The following GLIS3 variants were observed in gnomAD, a reference collection of about 807,000 sequenced individuals.
The protein encoded by GLIS3 is zinc finger protein GLIS3.
A neutral mutation model predicts 78.6 loss-of-function variants in GLIS3; 53 were observed. That is an observed-to-expected ratio of 0.67 (90% CI 0.54 to 0.85). The LOEUF is 0.85. Ranked by LOEUF, GLIS3 falls within the 40% of genes least tolerant of loss-of-function variation. GLIS3 has a pLI of 0.00. For missense variants in GLIS3, 1,703 were observed against 1,231.1 expected, an observed-to-expected ratio of 1.38 and a Z score of -5.74; for synonymous variants, 684 against 509.9, an observed-to-expected ratio of 1.34 and a Z score of -4.60.
chr9:4,017,587 T>C (rs1351536096), intron 4 of GLIS3, among the ~76,000 whole-genome samples: 1 of 152,120 alleles, frequency 6.6e-6, no homozygotes, highest in Non-Finnish European at 1.5e-5. Context: ...AGAGTAGAGA[T>C]GATCAGAGAG....
chr9:4,165,022 T>G (rs1193683489), intron 2 of GLIS3, among the ~76,000 whole-genome samples: 4 of 152,172 alleles, frequency 2.6e-5, no homozygotes, highest in Admixed American at 2.6e-4. Flanking sequence ...TACTGGGACT[T>G]GTGGAAACCC....
the GLIS3 span, among the ~76,000 whole-genome samples, chr9:4,396,457 C>G: frequency 6.6e-6 from 1 of 152,174 alleles, no homozygotes; most frequent in African/African-American, 2.4e-5. Context: ...CAGATACAAA[C>G]ATTTCATCAT....
At chr9:4,297,298 T>C (rs879067282) in intron 1 of GLIS3, among the ~76,000 whole-genome samples, 9 of 152,218 alleles carry the variant, frequency 5.9e-5, no homozygotes, top group Non-Finnish European at 8.8e-5. Context: ...AAATGCTCTC[T>C]TAACCGGGAC....
intron 2 of GLIS3, among the ~76,000 whole-genome samples, chr9:4,342,899 G>A (rs563449285): frequency 6.6e-6 from 1 of 152,236 alleles, no homozygotes; most frequent in Admixed American, 6.5e-5. Flanking sequence ...CTCAGCTTGG[G>A]CATTTTTGAT....
intron 2 of GLIS3, among the ~76,000 whole-genome samples, chr9:4,274,705 G>C (rs1237611855): frequency 6.6e-6 from 1 of 152,164 alleles, no homozygotes; most frequent in Non-Finnish European, 1.5e-5. Context: ...TAAACCCTAA[G>C]CACAGGGCAC....
At chr9:3,930,336 T>G (rs1269062269) in intron 6 of GLIS3, among the ~76,000 whole-genome samples, 1 of 152,194 alleles carries the variant, frequency 6.6e-6, no homozygotes, top group Non-Finnish European at 1.5e-5. Context: ...AAGACAAAAT[T>G]AAGAGAACAC....
intron 2 of GLIS3, among the ~76,000 whole-genome samples, chr9:4,216,221 C>A (rs1177698799): frequency 1.3e-5 from 2 of 151,724 alleles, no homozygotes. Flanking sequence ...ACCTGTAATC[C>A]CAGCACTTTG....
the GLIS3 span, among the ~76,000 whole-genome samples, chr9:4,467,984 T>C: frequency 6.6e-6 from 1 of 152,134 alleles, no homozygotes; most frequent in Non-Finnish European, 1.5e-5. Context: ...GAGAACTACG[T>C]GACACAGGCA....
chr9:4,128,928 A>G (rs1346220155), intron 2 of GLIS3, among the ~76,000 whole-genome samples: 1 of 152,248 alleles, frequency 6.6e-6, no homozygotes, highest in East Asian at 1.9e-4. Context: ...AGAAGCGATC[A>G]CTGGTCAACT....
At chr9:3,915,283 C>CA (rs755716940) in intron 6 of GLIS3, among the ~76,000 whole-genome samples, 116 of 152,114 alleles carry the variant, frequency 7.6e-4, no homozygotes, top group Middle Eastern at 6.8e-3. Flanking sequence ...AATCCCCTCT[C>CA]AAAAAAACAA....
chr9:4,297,993 G>C (rs1002237346), intron 1 of GLIS3, among the ~76,000 whole-genome samples: 1 of 152,162 alleles, frequency 6.6e-6, no homozygotes, highest in Non-Finnish European at 1.5e-5. Context: ...GCGCGGCTGC[G>C]ACCCCGTCAC....
intron 4 of GLIS3, among the ~76,000 whole-genome samples, chr9:4,032,251 A>G (rs949361811): frequency 1.8e-4 from 27 of 152,310 alleles, no homozygotes; most frequent in African/African-American, 5.5e-4. Flanking sequence ...GCAGAGCAAG[A>G]GGGGCTGGTT....
At chr9:3,984,945 C>T (rs1328673184) in intron 4 of GLIS3, among the ~76,000 whole-genome samples, 3 of 152,258 alleles carry the variant, frequency 2.0e-5, no homozygotes, top group South Asian at 2.1e-4. Context: ...TAAGATGTGA[C>T]TTGCTCGTCC....
At chr9:4,351,523 G>C (rs1415710205), upstream of GLIS3, among the ~76,000 whole-genome samples, 3 of 151,792 alleles carry the variant, frequency 2.0e-5, no homozygotes, top group East Asian at 3.9e-4. Flanking sequence ...CTTTCTCTAA[G>C]AGTTCTTTAT....
rs57002033 is a variant in GLIS3, at chr9:4,278,462, G to A, written c.388+7576C>T. Among the ~76,000 whole-genome samples, 496 of 152,148 alleles carry A rather than the reference G, an allele frequency of 3.3e-3. 6 individuals are homozygous for A. Among genetic ancestry groups the A allele is most frequent in the African/African-American group, 0.011 (468 of 41,482 alleles). ...AAAGACACAAGAATTGACTTCAAGG[G>A]GCTCCCACTGGTCAAATTTGGGACA... On this transcript the variant is annotated intron_variant, in intron 2 of 10. Transcript: ENST00000381971.
chr9:4,153,332 G>A (rs1283473594), intron 2 of GLIS3, among the ~76,000 whole-genome samples: 1 of 152,212 alleles, frequency 6.6e-6, no homozygotes, highest in Non-Finnish European at 1.5e-5. Context: ...GGGAGGCTGA[G>A]GCGGGCAGAT....
the GLIS3 span, among the ~76,000 whole-genome samples, chr9:4,462,696 G>T: frequency 6.6e-6 from 1 of 151,808 alleles, no homozygotes; most frequent in Non-Finnish European, 1.5e-5. Context: ...TGTAGTCCCA[G>T]CTACACAGGA....
chr9:4,409,225 GTTA>G, the GLIS3 span, among the ~76,000 whole-genome samples: 1 of 152,136 alleles, frequency 6.6e-6, no homozygotes, highest in East Asian at 1.9e-4. Flanking sequence ...TACCAGAATG[GTTA>G]TTATCAGCTT....
At chr9:4,195,068 G>T (rs549357831) in intron 2 of GLIS3, among the ~76,000 whole-genome samples, 130 of 152,360 alleles carry the variant, frequency 8.5e-4, no homozygotes, top group Non-Finnish European at 1.6e-3. Context: ...TCAGCAGTAG[G>T]GCTAGAACTG....
Sources: allele counts gnomAD v4.1 joint callset (sites outside exome capture counted in the v4.1 genomes callset), GRCh38; gene constraint gnomAD v4.1.1; transcripts MANE v1.5; gene names NCBI Gene and HGNC (gene_info 2026-07-23, HGNC 2026-07-21).